Variants in TBL1X observed in about 807,000 individuals in gnomAD.
TBL1X encodes the protein transducin beta like 1 X-linked.
TBL1X carries 10 observed loss-of-function variants against 50.7 expected under a neutral mutation model. The observed-to-expected ratio is 0.20, with a 90% CI of 0.12 to 0.33. TBL1X has a LOEUF of 0.33. TBL1X is among the 10% of genes least tolerant of loss of function. The pLI is 1.00. For missense variants in TBL1X, 340 were observed against 504.4 expected, an observed-to-expected ratio of 0.67 and a Z score of 3.12; for synonymous variants, 190 against 214.7, an observed-to-expected ratio of 0.88 and a Z score of 1.01.
intron 2 of TBL1X, among the ~76,000 whole-genome samples, chrX:9,591,354 C>T (rs1183105090): frequency 3.6e-5 from 4 of 112,184 alleles, no homozygotes; most frequent in African/African-American, 1.3e-4. Flanking sequence ...GCACAGCCTC[C>T]TGTTGACCTT....
intron 2 of TBL1X, among the ~76,000 whole-genome samples, chrX:9,536,354 G>A (rs1191919829): frequency 9.2e-6 from 1 of 109,045 alleles, no homozygotes; most frequent in Admixed American, 9.9e-5. Context: ...GGGTTCAAGC[G>A]ATTCTTCTGC....
chrX:9,680,106 T>C (rs1355308141), intron 5 of TBL1X, among the ~76,000 whole-genome samples: 1 of 111,299 alleles, frequency 9.0e-6, no homozygotes, highest in African/African-American at 3.3e-5. Context: ...TGCTTGAGCC[T>C]CTTTTATAGG....
chrX:9,635,999 C>T (rs1323920667), intron 2 of TBL1X, among the ~76,000 whole-genome samples: 1 of 111,939 alleles, frequency 8.9e-6, no homozygotes, highest in Non-Finnish European at 1.9e-5. Context: ...AGCCCTGGAA[C>T]GTGCTACAAC....
intron 5 of TBL1X, among the ~76,000 whole-genome samples, chrX:9,675,662 G>A (rs776381173): frequency 1.8e-5 from 2 of 111,571 alleles, no homozygotes; most frequent in East Asian, 5.6e-4. Flanking sequence ...GCCGAGGCAG[G>A]TGGATCACCT....
intron 2 of TBL1X, among the ~76,000 whole-genome samples, chrX:9,587,741 A>G (rs993570629): frequency 6.3e-5 from 7 of 111,363 alleles, no homozygotes; most frequent in African/African-American, 2.0e-4. Context: ...ACCACAGCCC[A>G]GTTTAGAACA....
rs375504136 is a variant in TBL1X at position 9,589,343 on chromosome X, A to G, written c.-130-50930A>G. ...AGGGTTGTTTGCGTCTGGAGCCTCT[A>G]CAGGAGGATCCTTCCTGCCTCCTCC... On this transcript the variant is annotated intron_variant, in intron 2 of 17. Coordinates refer to ENST00000645353, the MANE Select transcript of TBL1X (RefSeq NM_005647.4). Among the ~76,000 whole-genome samples, 7 of 107,772 alleles carry G rather than the reference A, an allele frequency of 6.5e-5. No individual in the cohort carries two copies. The East Asian group carries it at 1.2e-3, about 18-fold the overall frequency. The allele number at this position is 107,772 out of a possible 115,157, so 93.6% of individuals were successfully genotyped here.
chrX:9,637,139 G>GA (rs374974476), intron 2 of TBL1X: 13 of 112,096 alleles, frequency 1.2e-4, no homozygotes, highest in African/African-American at 4.2e-4. Context: ...ACAATGGGGT[G>GA]ATAACTGGTG....
chrX:9,530,257 G>T (rs977648352), intron 2 of TBL1X, among the ~76,000 whole-genome samples: 1 of 111,978 alleles, frequency 8.9e-6, no homozygotes, highest in Non-Finnish European at 1.9e-5. Context: ...AGAGTCAGTA[G>T]CTTCTAGGTC....
At chrX:9,684,214 C>T (rs1393583021) in intron 6 of TBL1X, 26 bp downstream of exon 6, 1 of 1,210,121 alleles carries the variant, frequency 8.3e-7, no homozygotes, top group Admixed American at 2.2e-5. Context: ...GCCCGGCCCC[C>T]AAACAGCAGA....
rs199740484 is a variant in TBL1X at position 9,492,006 on chromosome X, CT to C, written c.-200-9773del. On this transcript the variant is annotated intron_variant, in intron 1 of 17. Transcript: ENST00000645353. ...ATTTCTATGGAGGATGCTGTGTCAC[CT>C]GAAATTTGCTATGCTCAGATCAGCC... 8.6e-3 allele frequency among the ~76,000 whole-genome samples: 965 copies of C among 111,993 alleles called. 10 individuals are homozygous for C. Among genetic ancestry groups the C allele is most frequent in the African/African-American group, 0.03 (931 of 30,810 alleles).
intron 3 of TBL1X, among the ~76,000 whole-genome samples, chrX:9,642,516 T>A (rs911843765): frequency 8.9e-6 from 1 of 111,794 alleles, no homozygotes; most frequent in Admixed American, 9.5e-5. Context: ...TAGTGTTTTT[T>A]GTATCTCAGT....
rs1216474217 is a variant in TBL1X at position 9,502,361 on chromosome X, T to TG, written c.-131+512_-131+513insG. ...TGCTCAGTCAAATGCCTCCTCCAGT[T>TG]TAAGCTGTCCATCACGGGGCCACCC... On this transcript the variant is annotated intron_variant, in intron 2 of 17. Coordinates refer to ENST00000645353, the MANE Select transcript of TBL1X (RefSeq NM_005647.4). Among the ~76,000 whole-genome samples the TG allele has an allele frequency of 2.7e-5, 3 of 112,383 alleles. No individual in the cohort carries two copies. In the East Asian group the frequency reaches 8.4e-4, roughly 32 times the overall value.
rs1205540012 is a variant in TBL1X at position 9,582,118 on chromosome X, A to G, written c.-130-58155A>G. ...TTTGCAGAGTACTGTGCTTAGTAGCAGAGCATGGCTTCTGTTACACAGTTT... is the reference window on the plus strand; with the variant it reads ...TTTGCAGAGTACTGTGCTTAGTAGCGGAGCATGGCTTCTGTTACACAGTTT... On this transcript the variant is annotated intron_variant, in intron 2 of 17. Coordinates refer to ENST00000645353, the MANE Select transcript of TBL1X (RefSeq NM_005647.4). Among the ~76,000 whole-genome samples the G allele has an allele frequency of 2.7e-5, 3 of 112,416 alleles. No individual in the cohort carries two copies. In the East Asian group the frequency reaches 8.3e-4, roughly 31 times the overall value.
At chrX:9,697,770 CA>C (rs2083141125) in intron 12 of TBL1X, among the ~76,000 whole-genome samples, 1 of 111,512 alleles carries the variant, frequency 9.0e-6, no homozygotes, top group Non-Finnish European at 1.9e-5. Flanking sequence ...GACCGTGTCT[CA>C]AAAACTACTA....
intron 3 of TBL1X, among the ~76,000 whole-genome samples, chrX:9,641,547 G>A (rs568104609): frequency 1.8e-5 from 2 of 112,504 alleles, no homozygotes; most frequent in African/African-American, 6.4e-5. Context: ...GAACTAAAAT[G>A]ATAGACTTAA....
intron 16 of TBL1X, among the ~76,000 whole-genome samples, chrX:9,713,588 C>T (rs1193645918): frequency 1.8e-5 from 2 of 108,727 alleles, no homozygotes; most frequent in Non-Finnish European, 3.8e-5. Context: ...CCACCACAGC[C>T]GGCTAACTTT....
Position 9,691,720 on chromosome X carries a change from G to A in TBL1X, c.749+9G>A, listed in dbSNP as rs2083098754. The A allele has an allele frequency of 8.5e-7, 1 of 1,177,453 alleles. No homozygotes were observed. On this transcript the variant is annotated intron_variant, in intron 8 of 17. Coordinates refer to ENST00000645353, the MANE Select transcript of TBL1X (RefSeq NM_005647.4). ...GATTTGCTAGCCTCCGGGTAAGGAT[G>A]TCAGGGTGGGGGGCGCTCCAGAGTT...
At chrX:9,545,670 C>T (rs770444457) in intron 2 of TBL1X, among the ~76,000 whole-genome samples, 1 of 110,828 alleles carries the variant, frequency 9.0e-6, no homozygotes, top group East Asian at 2.8e-4. Flanking sequence ...CCCCCTCACT[C>T]TCCTCTTCTC....
At chrX:9,597,986 G>A (rs1427351034) in intron 2 of TBL1X, among the ~76,000 whole-genome samples, 1 of 112,295 alleles carries the variant, frequency 8.9e-6, no homozygotes. Context: ...CCAACCCCTT[G>A]CATCTCAGAA....
Sources: allele counts gnomAD v4.1 joint callset (sites outside exome capture counted in the v4.1 genomes callset), GRCh38; gene constraint gnomAD v4.1.1; transcripts MANE v1.5; gene names NCBI Gene and HGNC (gene_info 2026-07-23, HGNC 2026-07-21).